EYA2: variants seen among roughly 807,000 people sequenced by gnomAD.
EYA2 encodes EYA transcriptional coactivator and phosphatase 2.
A neutral mutation model predicts 69.2 loss-of-function variants in EYA2; 31 were observed. That is an observed-to-expected ratio of 0.45 (90% CI 0.34 to 0.60). The LOEUF is 0.60. Among genes scored for constraint, EYA2 ranks in the 20% least tolerant of loss-of-function variants. The probability of loss-of-function intolerance (pLI) is 0.02; values close to 1 mark genes in which losing one functional copy is unlikely to be tolerated. For missense variants in EYA2, 622 were observed against 701.2 expected, an observed-to-expected ratio of 0.89 and a Z score of 1.28; for synonymous variants, 257 against 279.4, an observed-to-expected ratio of 0.92 and a Z score of 0.80.
At chr20:46,917,859 G>T (rs892005849) in intron 1 of EYA2, among the ~76,000 whole-genome samples, 13 of 152,222 alleles carry the variant, frequency 8.5e-5, no homozygotes, top group African/African-American at 2.9e-4. Flanking sequence ...ACTGATCAGG[G>T]CGGTGGTTGC....
At chr20:47,065,754 A>G (rs1210891669) in intron 5 of EYA2, among the ~76,000 whole-genome samples, 2 of 152,190 alleles carry the variant, frequency 1.3e-5, no homozygotes, top group African/African-American at 4.8e-5. Flanking sequence ...TATTTATCTC[A>G]TCATAGACTG....
At chr20:47,152,851 G>A (rs1047354182) in intron 10 of EYA2, among the ~76,000 whole-genome samples, 2 of 151,220 alleles carry the variant, frequency 1.3e-5, no homozygotes, top group Non-Finnish European at 2.9e-5. Flanking sequence ...GAAACTGGGG[G>A]TGGGTGGGAG....
chr20:47,029,930 G>C (rs555855358), intron 5 of EYA2, among the ~76,000 whole-genome samples: 2 of 152,312 alleles, frequency 1.3e-5, no homozygotes, highest in Admixed American at 6.5e-5. Flanking sequence ...ACAGAGGTGA[G>C]CAAACTTTCT....
chr20:46,989,598 C>T (rs1041419773), intron 1 of EYA2, among the ~76,000 whole-genome samples: 3 of 152,222 alleles, frequency 2.0e-5, no homozygotes, highest in East Asian at 1.9e-4. Flanking sequence ...GTCAACTCCA[C>T]GTTCTCCCCA....
intron 1 of EYA2, among the ~76,000 whole-genome samples, chr20:46,920,047 A>G (rs1012428201): frequency 6.6e-6 from 1 of 152,204 alleles, no homozygotes; most frequent in African/African-American, 2.4e-5. Context: ...ATATGGGCAC[A>G]GTTTGTGGTG....
intron 11 of EYA2, 139 bp downstream of exon 11, chr20:47,169,336 T>C (rs1011811194): frequency 2.4e-6 from 2 of 822,942 alleles, no homozygotes; most frequent in Non-Finnish European, 4.1e-6. Context: ...ACTGGGACTT[T>C]TGCATCTCAG....
Position 46,973,819 on chromosome 20 carries a change from G to A in EYA2, c.-10-16182G>A, listed in dbSNP as rs1024715956. Among the ~76,000 whole-genome samples, 9 of 149,306 alleles carry A rather than the reference G, an allele frequency of 6.0e-5. 1 individual carries two copies. Among genetic ancestry groups the A allele is most frequent in the Admixed American group, 2.0e-4 (3 of 14,932 alleles). ...GGAGGAAAAAAAAAAAACCCTCATC[G>A]TATGAAATTGCATAAAATTCAGCCA... On this transcript the variant is annotated intron_variant, in intron 1 of 15. Transcript: ENST00000327619.
At chr20:47,140,133 G>A (rs11907882) in intron 9 of EYA2, among the ~76,000 whole-genome samples, 2,481 of 152,270 alleles carry the variant, frequency 0.016, 70 homozygotes, top group African/African-American at 0.057. Flanking sequence ...TTAGGTGCAC[G>A]AATTGCTCCG....
At chr20:47,128,530 A>G (rs1306353596) in intron 9 of EYA2, among the ~76,000 whole-genome samples, 1 of 136,804 alleles carries the variant, frequency 7.3e-6, no homozygotes, top group Non-Finnish European at 1.7e-5. Context: ...GGCATTTACG[A>G]AAAAAAAAAA....
At chr20:47,166,144 A>G (rs922262223) in intron 10 of EYA2, among the ~76,000 whole-genome samples, 2 of 152,060 alleles carry the variant, frequency 1.3e-5, no homozygotes, top group Non-Finnish European at 2.9e-5. Flanking sequence ...TCATGCCTGC[A>G]ATCTTAGCAC....
intron 1 of EYA2, among the ~76,000 whole-genome samples, chr20:46,917,582 G>A (rs1395255803): frequency 1.3e-5 from 2 of 152,198 alleles, no homozygotes; most frequent in Admixed American, 1.3e-4. Context: ...ATGCTGCGGG[G>A]TTGGTTCCAG....
intron 1 of EYA2, among the ~76,000 whole-genome samples, chr20:46,918,418 C>T (rs1164807387): frequency 6.6e-6 from 1 of 152,068 alleles, no homozygotes; most frequent in Non-Finnish European, 1.5e-5. Flanking sequence ...AAGCAATTCT[C>T]ATGCCTCAGC....
At chr20:46,899,490 C>T (rs900300103) in intron 1 of EYA2, among the ~76,000 whole-genome samples, 4 of 152,168 alleles carry the variant, frequency 2.6e-5, no homozygotes, top group Admixed American at 6.5e-5. Flanking sequence ...ACTAACACTA[C>T]GCATTTCAGG....
chr20:47,057,751 C>T (rs2030703392), intron 5 of EYA2, among the ~76,000 whole-genome samples: 1 of 152,176 alleles, frequency 6.6e-6, no homozygotes, highest in Non-Finnish European at 1.5e-5. Flanking sequence ...ACTGCCGGGG[C>T]TGGCATGTCA....
intron 1 of EYA2, chr20:46,978,327 C>G (rs775575331): frequency 3.3e-4 from 103 of 311,132 alleles, no homozygotes; most frequent in Non-Finnish European, 5.7e-4. Context: ...GTTACAGTGA[C>G]TGGTGTGTGT....
chr20:47,168,336 C>A (rs1268685546), intron 10 of EYA2, among the ~76,000 whole-genome samples: 2 of 149,294 alleles, frequency 1.3e-5, no homozygotes, highest in Non-Finnish European at 2.9e-5. Context: ...GGATTACAGG[C>A]AGCTGCCACC....
At chr20:47,173,004 C>T in intron 12 of EYA2, 137 bp downstream of exon 12, 1 of 935,014 alleles carries the variant, frequency 1.1e-6, no homozygotes, top group Non-Finnish European at 1.6e-6. Context: ...ACCCTGACGA[C>T]ACCCTTCGGA....
At chr20:47,067,194 T>C (rs190226814) in intron 5 of EYA2, among the ~76,000 whole-genome samples, 77 of 152,272 alleles carry the variant, frequency 5.1e-4, no homozygotes, top group Non-Finnish European at 8.2e-4. Flanking sequence ...ATTCAGAAGG[T>C]TCATGCAAAA....
intron 5 of EYA2, among the ~76,000 whole-genome samples, chr20:47,054,308 T>G (rs1289426689): frequency 1.3e-5 from 2 of 152,206 alleles, no homozygotes; most frequent in Admixed American, 1.3e-4. Context: ...CTGTCTCCAC[T>G]TTGAATGAAT....
Sources: allele counts gnomAD v4.1 joint callset (sites outside exome capture counted in the v4.1 genomes callset), GRCh38; gene constraint gnomAD v4.1.1; transcripts MANE v1.5; gene names NCBI Gene and HGNC (gene_info 2026-07-23, HGNC 2026-07-21).